Variants in SHROOM2 observed in about 807,000 individuals in gnomAD.
The protein encoded by SHROOM2 is shroom family member 2.
A neutral mutation model predicts 75.9 loss-of-function variants in SHROOM2; 33 were observed. The observed-to-expected ratio is 0.43, with a 90% CI of 0.33 to 0.58. The LOEUF is 0.58. Ranked by LOEUF, SHROOM2 falls within the 20% of genes least tolerant of loss-of-function variation. The pLI, the probability that SHROOM2 is intolerant of heterozygous loss-of-function variation, is 0.04. For synonymous variants in SHROOM2, 655 were observed against 663.6 expected (o/e 0.99, Z 0.20); for missense variants, 1,434 against 1,461.2 (o/e 0.98, Z 0.30).
At position 9,823,763 on chromosome X, in the gene SHROOM2, C is replaced by CT. The variant is rs1256233985; in HGVS notation, c.165+37066dup. 3.0e-3 allele frequency among the ~76,000 whole-genome samples: 243 copies of CT among 82,022 alleles called. 5 individuals are homozygous for CT. Among genetic ancestry groups the CT allele is most frequent in the African/African-American group, 9.1e-3 (203 of 22,191 alleles). The allele number at this position is 82,022 out of a possible 115,157, so 71.2% of individuals were successfully genotyped here. A position where few individuals can be genotyped will look rare whatever the true frequency, so the allele number is the denominator to read the frequency against. ...TTTTCTTTTTTCTTTTTTCTTTTTTCTTTTTTTTTTTTTGAGACAGGGTCT... is the reference window on the plus strand; with the variant it reads ...TTTTCTTTTTTCTTTTTTCTTTTTTCTTTTTTTTTTTTTTGAGACAGGGTCT... On this transcript the variant is annotated intron_variant, in intron 1 of 9. Coordinates refer to ENST00000380913, the MANE Select transcript of SHROOM2 (RefSeq NM_001649.4).
Position 9,896,123 on chromosome X carries a change from A to G in SHROOM2, c.2215A>G (p.Thr739Ala), listed in dbSNP as rs772698335. ...EAGLAQPPSS[T>A]SGGPHPPRIG... ...AGGCCTGGCCCAGCCACCCTCATCTACAAGTGGCGGGCCCCACCCGCCCCG... is the reference window on the plus strand; with the variant it reads ...AGGCCTGGCCCAGCCACCCTCATCTGCAAGTGGCGGGCCCCACCCGCCCCG... The change falls in exon 4 of 10, where the codon ACA (threonine) becomes GCA (alanine). Residue 739 changes from threonine to alanine, a missense_variant. Thr to Ala is a moderately conservative substitution (Grantham distance 58). Around this residue, in one of 3 missense-constraint regions of SHROOM2, gnomAD observed 1,340 missense variants for 1,338.3 expected, o/e 1.00. Transcript: ENST00000380913. 3.3e-6 allele frequency: 4 copies of G among 1,209,632 alleles called. No individual in the cohort carries two copies. The highest frequency in any genetic ancestry group is 1.7e-5 in the African/African-American group (1 of 57,915).
chrX:9,803,758 C>T (rs2083736900), intron 1 of SHROOM2, among the ~76,000 whole-genome samples: 1 of 111,463 alleles, frequency 9.0e-6, no homozygotes, highest in African/African-American at 3.3e-5. Flanking sequence ...CATCACAGAC[C>T]ACCTCCGGAC....
rs765866852 is a variant in SHROOM2 at position 9,914,985 on chromosome X, A to C, written c.2891+16695A>C. 8.8e-4 allele frequency among the ~76,000 whole-genome samples: 98 copies of C among 111,890 alleles called. 2 individuals are homozygous for C. The highest frequency in any genetic ancestry group is 1.3e-4 in the Non-Finnish European group (7 of 53,197). The stretch of plus-strand genomic sequence containing the variant: ...AGGAATTTCAGTTTGGACTTCTGGG[A>C]GTGAAGTACAGAAACCCGTTAATCA... On this transcript the variant is annotated intron_variant, in intron 5 of 9. Coordinates refer to ENST00000380913, the MANE Select transcript of SHROOM2 (RefSeq NM_001649.4).
chrX:9,811,686 G>A (rs1040330917), intron 1 of SHROOM2, among the ~76,000 whole-genome samples: 1 of 111,900 alleles, frequency 8.9e-6, no homozygotes, highest in Non-Finnish European at 1.9e-5. Flanking sequence ...TCCCTTCACC[G>A]CTGTCCTTCG....
At position 9,818,619 on chromosome X, in the gene SHROOM2, A is replaced by G. The variant is rs148616609; in HGVS notation, c.165+31909A>G. On this transcript the variant is annotated intron_variant, in intron 1 of 9. Coordinates refer to ENST00000380913, the MANE Select transcript of SHROOM2 (RefSeq NM_001649.4). ...GCTTTTTTGTTGTTGTGACAAAATC[A>G]TAAGAAATGGTGCCTGTATTTCTTA... The G allele has an allele frequency of 1.2e-4, 39 of 325,401 alleles. No individual in the cohort carries two copies. The East Asian group carries it at 2.7e-3, about 22-fold the overall frequency. 26.8% of individuals were successfully genotyped at this position (325,401 alleles called of 1,213,427 possible).
intron 1 of SHROOM2, among the ~76,000 whole-genome samples, chrX:9,788,422 G>T (rs1051981841): frequency 9.0e-6 from 1 of 111,437 alleles, no homozygotes; most frequent in Non-Finnish European, 1.9e-5. Context: ...TGATAATGAG[G>T]GTATCATTTG....
chrX:9,884,117 AC>A (rs1208229862), intron 2 of SHROOM2, among the ~76,000 whole-genome samples: 1 of 108,644 alleles, frequency 9.2e-6, no homozygotes, highest in Non-Finnish European at 1.9e-5. Flanking sequence ...TACCACCAAC[AC>A]CCCCCGCCCC....
At chrX:9,819,410 C>A in intron 1 of SHROOM2, 1 of 428,752 alleles carries the variant, frequency 2.3e-6, no homozygotes, top group South Asian at 3.6e-5. Flanking sequence ...CCTTGGCAAT[C>A]AGACAGGGCA....
At chrX:9,815,472 GTGTGTGTGTA>G (rs764989126) in intron 1 of SHROOM2, among the ~76,000 whole-genome samples, 166 of 65,189 alleles carry the variant, frequency 2.5e-3, no homozygotes, top group East Asian at 4.4e-3. Flanking sequence ...GTGTGTGTGT[GTGTGTGTGTA>G]TATAATATCT....
chrX:9,820,064 G>A (rs2146748517), intron 1 of SHROOM2, among the ~76,000 whole-genome samples: 1 of 109,143 alleles, frequency 9.2e-6, no homozygotes, highest in African/African-American at 3.3e-5. Flanking sequence ...GCCTCCCAAA[G>A]TGTTGGGATT....
chrX:9,790,280 C>T (rs1476352004), intron 1 of SHROOM2, among the ~76,000 whole-genome samples: 2 of 111,778 alleles, frequency 1.8e-5, no homozygotes, highest in Admixed American at 9.5e-5. Context: ...CAAGTCACCT[C>T]GTGACCCGAG....
chrX:9,944,589 G>A lies in SHROOM2; in HGVS notation c.4312-52G>A, dbSNP rs983636018. 3.5e-6 allele frequency: 4 copies of A among 1,142,357 alleles called. No homozygotes were observed. The African/African-American group carries it at 7.2e-5, about 20-fold the overall frequency. The allele number at this position is 1,142,357 out of a possible 1,213,427, so 94.1% of individuals were successfully genotyped here. ...GCAGTGAGCAGTGTGGCCGGGGTGG[G>A]GGCCGGCCTAACCAGTGTCTCCGTG... On this transcript the variant is annotated intron_variant, in intron 8 of 9. Transcript: ENST00000380913.
chrX:9,895,844 A>T lies in SHROOM2; in HGVS notation c.1936A>T (p.Ser646Cys). Residue 646 changes from serine (S) to cysteine (C), a missense_variant, in exon 4 of 10, where the codon AGC becomes TGC. Transcript: ENST00000380913. ...TAGAGCCAAGCTGCAGAAGAGCCGG[A>T]GCACAGTGGCTCTGACTGCAGCAGG... ...MHRAKLQKSRSTVALTAAGEA... is the reference protein window; with the variant it reads ...MHRAKLQKSRCTVALTAAGEA... 1 of 1,204,727 alleles carries T rather than the reference A, an allele frequency of 8.3e-7. No individual in the cohort carries two copies. The highest frequency in any genetic ancestry group is 1.1e-6 in the Non-Finnish European group (1 of 891,682).
Position 9,947,145 on chromosome X carries a change from TTTCC to T in SHROOM2, c.*211_*214del. 1 of 441,512 alleles carries T rather than the reference TTTCC, an allele frequency of 2.3e-6. No individual in the cohort carries two copies. 36.4% of individuals were successfully genotyped at this position (441,512 alleles called of 1,213,427 possible). ...TTCCCCTTTGATTGCTGAGAGCCAT[TTTCC>T]TTTACACATAACTACACCTGACACC... On this transcript the variant is annotated 3_prime_UTR_variant, in exon 10 of 10. Transcript: ENST00000380913.
intron 1 of SHROOM2, among the ~76,000 whole-genome samples, chrX:9,831,029 G>C (rs148842606): frequency 0.014 from 1,581 of 112,191 alleles, 23 homozygotes; most frequent in African/African-American, 0.049. Flanking sequence ...TTGTGCGTTA[G>C]AGGAAGGCTT....
chrX:9,803,441 G>C, intron 1 of SHROOM2, among the ~76,000 whole-genome samples: 1 of 111,910 alleles, frequency 8.9e-6, no homozygotes, highest in South Asian at 3.7e-4. Flanking sequence ...TTGGTTCCAT[G>C]GGTATGGGAC....
At chrX:9,795,710 C>G (rs1257446454) in intron 1 of SHROOM2, among the ~76,000 whole-genome samples, 1 of 97,388 alleles carries the variant, frequency 1.0e-5, no homozygotes, top group Non-Finnish European at 2.1e-5. Context: ...CTGGGTATTC[C>G]TCTAAGGCTG....
chrX:9,860,286 A>G (rs1158632931), intron 1 of SHROOM2, among the ~76,000 whole-genome samples: 3 of 111,738 alleles, frequency 2.7e-5, no homozygotes, highest in Non-Finnish European at 5.6e-5. Flanking sequence ...TTGTTTATCC[A>G]TGTTTTATCT....
intron 1 of SHROOM2, among the ~76,000 whole-genome samples, chrX:9,824,281 A>G (rs1340277579): frequency 2.9e-5 from 3 of 104,558 alleles, no homozygotes; most frequent in Non-Finnish European, 3.9e-5. Context: ...TAAAAATACA[A>G]AAAAAAAAAA....
Sources: allele counts gnomAD v4.1 joint callset (sites outside exome capture counted in the v4.1 genomes callset), GRCh38; gene constraint gnomAD v4.1.1; regional missense constraint gnomAD v4.1.1; transcripts MANE v1.5; gene names NCBI Gene and HGNC (gene_info 2026-07-23, HGNC 2026-07-21).